Variants in PTPRT observed in about 807,000 individuals in gnomAD.
PTPRT encodes receptor-type tyrosine-protein phosphatase T.
A neutral mutation model predicts 176.8 loss-of-function variants in PTPRT; 56 were observed. The observed-to-expected ratio is 0.32, with a 90% CI of 0.26 to 0.40. PTPRT has a LOEUF of 0.40. Ranked by LOEUF, PTPRT falls within the 10% of genes least tolerant of loss-of-function variation. The pLI, the probability that PTPRT is intolerant of heterozygous loss-of-function variation, is 1.00. For missense variants in PTPRT, 1,540 were observed against 1,908.2 expected, an observed-to-expected ratio of 0.81 and a Z score of 3.60; for synonymous variants, 783 against 739.0, an observed-to-expected ratio of 1.06 and a Z score of -0.96.
chr20:42,110,294 C>T (rs1207974215), intron 23 of PTPRT, 39 bp downstream of exon 23: 2 of 1,554,768 alleles, frequency 1.3e-6, no homozygotes, highest in Non-Finnish European at 8.7e-7. Context: ...TCGTGATCTG[C>T]CCGCCTCGGC....
intron 7 of PTPRT, among the ~76,000 whole-genome samples, chr20:42,589,329 A>G (rs1315758267): frequency 1.3e-5 from 2 of 152,208 alleles, no homozygotes; most frequent in Non-Finnish European, 2.9e-5. Flanking sequence ...AAACCTTTTT[A>G]GCTTTCTCCA....
intron 1 of PTPRT, among the ~76,000 whole-genome samples, chr20:43,097,778 C>T (rs1217974863): frequency 3.3e-5 from 5 of 152,180 alleles, no homozygotes; most frequent in African/African-American, 1.2e-4. Context: ...AGGACACCTC[C>T]AGACAGTGAC....
chr20:42,663,916 A>G (rs1188857904), intron 7 of PTPRT, among the ~76,000 whole-genome samples: 1 of 152,228 alleles, frequency 6.6e-6, no homozygotes, highest in African/African-American at 2.4e-5. Flanking sequence ...CCTTATAAAT[A>G]ATGCAGTGAT....
chr20:42,460,567 G>A (rs778007523), intron 8 of PTPRT, among the ~76,000 whole-genome samples: 18 of 152,170 alleles, frequency 1.2e-4, no homozygotes, highest in Non-Finnish European at 2.2e-4. Flanking sequence ...ATCTTGAATT[G>A]TAATCCCCAT....
intron 7 of PTPRT, among the ~76,000 whole-genome samples, chr20:42,493,847 C>A (rs753454397): frequency 3.3e-5 from 5 of 151,924 alleles, no homozygotes; most frequent in Non-Finnish European, 7.4e-5. Flanking sequence ...CTTTTTCTCT[C>A]CCCAAGCTGC....
At chr20:42,135,431 C>A (rs889605504) in intron 18 of PTPRT, among the ~76,000 whole-genome samples, 1 of 152,232 alleles carries the variant, frequency 6.6e-6, no homozygotes, top group Non-Finnish European at 1.5e-5. Context: ...TGGGCCCCAG[C>A]CCAGACTCAC....
At chr20:42,979,987 G>A (rs1247838185) in intron 1 of PTPRT, among the ~76,000 whole-genome samples, 2 of 116,318 alleles carry the variant, frequency 1.7e-5, no homozygotes, top group South Asian at 3.7e-4. Flanking sequence ...CGGGAAGGGG[G>A]GGTGGGGGGG....
chr20:42,453,127 A>G (rs1180948517), intron 8 of PTPRT, among the ~76,000 whole-genome samples: 1 of 152,154 alleles, frequency 6.6e-6, no homozygotes, highest in African/African-American at 2.4e-5. Flanking sequence ...TCTTTTGCAA[A>G]GCTTTTTGAG....
At chr20:42,748,972 C>G (rs2076729828) in intron 6 of PTPRT, among the ~76,000 whole-genome samples, 1 of 152,158 alleles carries the variant, frequency 6.6e-6, no homozygotes, top group Non-Finnish European at 1.5e-5. Flanking sequence ...AAGCACCTTG[C>G]ACTCGGAACT....
chr20:42,909,026 G>A (rs2079513362), intron 1 of PTPRT, among the ~76,000 whole-genome samples: 1 of 152,116 alleles, frequency 6.6e-6, no homozygotes, highest in African/African-American at 2.4e-5. Context: ...GTGGTGGCAT[G>A]TACCTGTAGT....
chr20:42,330,926 G>A (rs1274523376), intron 11 of PTPRT, among the ~76,000 whole-genome samples: 1 of 152,180 alleles, frequency 6.6e-6, no homozygotes, highest in African/African-American at 2.4e-5. Context: ...AAATTAGAAT[G>A]TGTACTTTAA....
At chr20:42,545,599 A>G (rs1180170112) in intron 7 of PTPRT, among the ~76,000 whole-genome samples, 1 of 152,164 alleles carries the variant, frequency 6.6e-6, no homozygotes, top group Non-Finnish European at 1.5e-5. Flanking sequence ...TCAAACTGAA[A>G]CACAATGATT....
rs1009996893 is a variant in PTPRT, at chr20:42,444,165, C to T, written c.1560+4055G>A. ...CAGGAGGCCCCAGTCACTCCGGTCTCCTTTTTACTACATTTTTAAGACTTG... is the reference window on the plus strand; with the variant it reads ...CAGGAGGCCCCAGTCACTCCGGTCTTCTTTTTACTACATTTTTAAGACTTG... On this transcript the variant is annotated intron_variant, in intron 9 of 30. Transcript: ENST00000373187. 1.4e-4 allele frequency among the ~76,000 whole-genome samples: 21 copies of T among 152,304 alleles called. 1 individual carries two copies. The highest frequency in any genetic ancestry group is 9.8e-4 in the Admixed American group (15 of 15,302).
chr20:42,260,866 A>T (rs528546619), intron 13 of PTPRT, among the ~76,000 whole-genome samples: 12 of 152,302 alleles, frequency 7.9e-5, no homozygotes, highest in African/African-American at 2.6e-4. Flanking sequence ...CAAATGTAGA[A>T]TACAGTCAAC....
At chr20:42,726,161 C>A (rs1426445374) in intron 6 of PTPRT, among the ~76,000 whole-genome samples, 3 of 151,692 alleles carry the variant, frequency 2.0e-5, no homozygotes, top group Non-Finnish European at 4.4e-5. Context: ...CTCACTGCAA[C>A]CTCTGCGTCC....
At chr20:42,811,492 G>C (rs553984948) in intron 2 of PTPRT, among the ~76,000 whole-genome samples, 2 of 152,274 alleles carry the variant, frequency 1.3e-5, no homozygotes, top group East Asian at 3.9e-4. Flanking sequence ...TTTACCAAGA[G>C]ATACTTACCC....
intron 9 of PTPRT, among the ~76,000 whole-genome samples, chr20:42,393,089 TC>T (rs1412372806): frequency 6.6e-6 from 1 of 152,018 alleles, no homozygotes; most frequent in African/African-American, 2.4e-5. Flanking sequence ...TTCTTCTCCA[TC>T]CCCCTGTGTC....
Position 43,176,234 on chromosome 20 carries a change from G to A in PTPRT, c.88+13412C>T, listed in dbSNP as rs867808600. The stretch of plus-strand genomic sequence containing the variant: ...CTGCACTCTAGCCTGGCAACAGAGC[G>A]AGACCCTGGGCTCTGACTGTGCCAC... On this transcript the variant is annotated intron_variant, in intron 1 of 30. Transcript: ENST00000373187. Among the ~76,000 whole-genome samples the A allele has an allele frequency of 1.8e-3, 234 of 127,938 alleles. 2 individuals are homozygous for A. Among genetic ancestry groups the A allele is most frequent in the African/African-American group, 6.3e-3 (212 of 33,564 alleles). The allele number at this position is 127,938 out of a possible 152,430, so 83.9% of individuals were successfully genotyped here.
At chr20:42,045,399 G>A in the PTPRT span, among the ~76,000 whole-genome samples, 7 of 151,538 alleles carry the variant, frequency 4.6e-5, no homozygotes, top group Admixed American at 6.6e-5. Context: ...TGAGTTTTAC[G>A]TGCAGGCAAG....
Sources: allele counts gnomAD v4.1 joint callset (sites outside exome capture counted in the v4.1 genomes callset), GRCh38; gene constraint gnomAD v4.1.1; transcripts MANE v1.5; gene names NCBI Gene and HGNC (gene_info 2026-07-23, HGNC 2026-07-21).